The following SHCBP1L variants were observed in gnomAD, a reference collection of about 807,000 sequenced individuals.
SHCBP1L encodes the protein testicular spindle-associated protein SHCBP1L.
Under a neutral mutation model 62.5 loss-of-function variants are expected in SHCBP1L, and 67 were observed. The ratio of observed to expected loss-of-function variants is 1.07; its 90% confidence interval spans 0.88 to 1.31. The LOEUF is 1.31. Among genes scored for constraint, SHCBP1L ranks in the 40% most tolerant of loss-of-function variants. The pLI, the probability that SHCBP1L is intolerant of heterozygous loss-of-function variation, is 0.00. For missense variants in SHCBP1L, 823 were observed against 809.8 expected (o/e 1.02, Z -0.20); for synonymous variants, 284 against 289.4 (o/e 0.98, Z 0.19).
intron 9 of SHCBP1L, 127 bp from the exon 10 acceptor site, chr1:182,900,361 C>T (rs1324897952): frequency 1.4e-5 from 10 of 729,518 alleles, no homozygotes; most frequent in South Asian, 5.2e-5. Flanking sequence ...CCAAGACTCT[C>T]AATTTTGAAC....
intron 5 of SHCBP1L, among the ~76,000 whole-genome samples, chr1:182,934,745 C>A (rs1322810542): frequency 1.3e-5 from 2 of 152,102 alleles, no homozygotes; most frequent in Non-Finnish European, 2.9e-5. Context: ...TACCTAAAAA[C>A]CCACTGCCAA....
intron 6 of SHCBP1L, among the ~76,000 whole-genome samples, chr1:182,919,203 A>C (rs1248762290): frequency 6.6e-6 from 1 of 152,202 alleles, no homozygotes; most frequent in African/African-American, 2.4e-5. Flanking sequence ...GTAATTTATA[A>C]AATAAATTTA....
intron 6 of SHCBP1L, among the ~76,000 whole-genome samples, chr1:182,920,777 T>C (rs1172380968): frequency 6.6e-6 from 1 of 152,020 alleles, no homozygotes; most frequent in African/African-American, 2.4e-5. Flanking sequence ...AATAGCAGAA[T>C]AGACCAGGCT....
rs1250146757 is a variant in SHCBP1L at position 182,924,700 on chromosome 1, GGAAGAAAGAAAGAAAGAAAGAAAGAAA to G, written c.1182+4920_1182+4946del. Among the ~76,000 whole-genome samples, 81 of 84,346 alleles carry G rather than the reference GGAAGAAAGAAAGAAAGAAAGAAAGAAA, an allele frequency of 9.6e-4. 1 individual carries two copies. Among genetic ancestry groups the G allele is most frequent in the African/African-American group, 2.9e-3 (49 of 16,882 alleles). 55.3% of individuals were successfully genotyped at this position (84,346 alleles called of 152,430 possible). ...AGAAAGGAAAGGAAAGGAAAGGAAA[GGAAGAAAGAAAGAAAGAAAGAAAGAAA>G]GAAAGAAAGAAAGAAAGAAAGAAAG... On this transcript the variant is annotated intron_variant, in intron 6 of 9. Transcript: ENST00000367547.
intron 5 of SHCBP1L, among the ~76,000 whole-genome samples, chr1:182,934,854 T>C (rs1384491000): frequency 6.6e-6 from 1 of 152,160 alleles, no homozygotes; most frequent in Non-Finnish European, 1.5e-5. Flanking sequence ...AAGGTCTGTA[T>C]CTAGGTTCAC....
chr1:182,936,435 C>G (rs918286235), intron 5 of SHCBP1L, among the ~76,000 whole-genome samples: 2 of 152,064 alleles, frequency 1.3e-5, no homozygotes, highest in African/African-American at 4.8e-5. Flanking sequence ...ACACCCAGAC[C>G]TGCCTCTTCT....
At chr1:182,900,400 A>G (rs1649792485) in intron 9 of SHCBP1L, among the ~76,000 whole-genome samples, 166 bp from the exon 10 acceptor site, 1 of 152,182 alleles carries the variant, frequency 6.6e-6, no homozygotes, top group South Asian at 2.1e-4. Flanking sequence ...TCATGACACC[A>G]ACTAACGTAA....
chr1:182,929,129 T>C (rs1300600879), intron 6 of SHCBP1L, among the ~76,000 whole-genome samples: 1 of 152,168 alleles, frequency 6.6e-6, no homozygotes, highest in East Asian at 1.9e-4. Flanking sequence ...AGAACATTTG[T>C]TTGTTCTTGA....
chr1:182,930,678 T>C, intron 5 of SHCBP1L, among the ~76,000 whole-genome samples: 1 of 99,492 alleles, frequency 1.0e-5, no homozygotes, highest in African/African-American at 4.6e-5. Context: ...TGTGTGTGTG[T>C]GTGTGTGTGT....
intron 2 of SHCBP1L, among the ~76,000 whole-genome samples, chr1:182,949,185 T>A (rs549184861): frequency 5.1e-4 from 77 of 151,806 alleles, no homozygotes; most frequent in Admixed American, 2.0e-3. Flanking sequence ...AGAGAGCTGC[T>A]AAGACACCAT....
intron 2 of SHCBP1L, chr1:182,942,340 CG>C: frequency 1.3e-6 from 1 of 796,624 alleles, no homozygotes; most frequent in East Asian, 2.4e-5. Flanking sequence ...ACAACCGCCC[CG>C]ATCTCCTGTT....
intron 6 of SHCBP1L, among the ~76,000 whole-genome samples, chr1:182,906,828 T>G (rs1456890481): frequency 1.3e-5 from 2 of 151,980 alleles, no homozygotes; most frequent in African/African-American, 4.8e-5. Flanking sequence ...GCTTTATTTA[T>G]TTATTTTGAG....
chr1:182,903,115 C>A lies in SHCBP1L; in HGVS notation c.1634G>T (p.Arg545Ile). 1 of 1,602,708 alleles carries A rather than the reference C, an allele frequency of 6.2e-7. No homozygotes were observed. Among genetic ancestry groups the A allele is most frequent in the South Asian group, 1.1e-5 (1 of 89,110 alleles). Residue 545 changes from arginine to isoleucine, a missense_variant, in exon 9 of 10, where the codon AGA (arginine) becomes ATA (isoleucine). Transcript: ENST00000367547. ...LYPGSIAILERNEIHHCNNLR... is the reference protein window; with the variant it reads ...LYPGSIAILEINEIHHCNNLR... Reference sequence around the variant, plus strand: ...GTTATTACAGTGATGAATTTCATTTCTTTCCAAAATAGCTATGCTTCCAGG... The same window carrying A: ...GTTATTACAGTGATGAATTTCATTTATTTCCAAAATAGCTATGCTTCCAGG...
intron 2 of SHCBP1L, among the ~76,000 whole-genome samples, chr1:182,947,546 G>A (rs1651605424): frequency 6.6e-6 from 1 of 152,148 alleles, no homozygotes; most frequent in Admixed American, 6.5e-5. Flanking sequence ...TGTTCCAACT[G>A]GATGGGTCCA....
intron 6 of SHCBP1L, among the ~76,000 whole-genome samples, chr1:182,912,583 C>T (rs564546798): frequency 1.4e-4 from 21 of 151,734 alleles, no homozygotes; most frequent in South Asian, 1.0e-3. Flanking sequence ...AGTGCAGTGG[C>T]GCAATCTCGG....
chr1:182,952,215 TATATATATATATATATATATAC>T (rs1217422559), intron 1 of SHCBP1L, among the ~76,000 whole-genome samples: 14 of 61,150 alleles, frequency 2.3e-4, no homozygotes, highest in East Asian at 1.1e-3. Context: ...TATATATATA[TATATATATATATATATATATAC>T]ACACACACAC....
In SHCBP1L at chr1:182,904,281, T is replaced by C. The variant is rs767186166; in HGVS notation, c.1486A>G (p.Met496Val). Reference protein sequence around the residue: ...DGIVVVESGHMTLENCILKCE... With the variant: ...DGIVVVESGHVTLENCILKCE... ...TTTAATATGCAGTTTTCTAGAGTCATGTGACCAGACTCCACCACCACGATA... is the reference window on the plus strand; with the variant it reads ...TTTAATATGCAGTTTTCTAGAGTCACGTGACCAGACTCCACCACCACGATA... Residue 496 changes from methionine to valine, a missense_variant, in exon 8 of 10, where the codon ATG (methionine) becomes GTG (valine). Physicochemically the swap from Met to Val is conservative, Grantham distance 21. Coordinates refer to ENST00000367547, the MANE Select transcript of SHCBP1L (RefSeq NM_030933.4). 4 of 1,614,038 alleles carry C rather than the reference T, an allele frequency of 2.5e-6. No individual in the cohort carries two copies. The highest frequency in any genetic ancestry group is 1.3e-5 in the African/African-American group (1 of 74,926).
chr1:182,915,870 G>T (rs950486819), intron 6 of SHCBP1L, among the ~76,000 whole-genome samples: 1 of 149,430 alleles, frequency 6.7e-6, no homozygotes, highest in Non-Finnish European at 1.5e-5. Flanking sequence ...GCAGTGGCGC[G>T]ATCTCGGCTC....
At chr1:182,909,208 G>C (rs534630817) in intron 6 of SHCBP1L, among the ~76,000 whole-genome samples, 32 of 152,182 alleles carry the variant, frequency 2.1e-4, no homozygotes, top group African/African-American at 7.7e-4. Flanking sequence ...TTTAATTTTG[G>C]TGCCAATAAA....
Sources: gnomAD v4.1 joint callset for allele counts (sites outside exome capture counted in the v4.1 genomes callset) on GRCh38, gnomAD v4.1.1 for gene constraint, MANE v1.5 for transcripts, NCBI Gene and HGNC (gene_info 2026-07-23, HGNC 2026-07-21) for gene names.